Variants in POU2AF1 observed in about 807,000 individuals in gnomAD.
POU2AF1 encodes the protein POU class 2 homeobox associating factor 1.
In POU2AF1, 12 loss-of-function variants were observed where a neutral mutation model predicts 26.3. The observed-to-expected ratio is 0.46, with a 90% CI of 0.29 to 0.74. The LOEUF is 0.74. POU2AF1 is among the 30% of genes least tolerant of loss of function. The pLI is 0.09. For synonymous variants in POU2AF1, 175 were observed against 148.0 expected, an observed-to-expected ratio of 1.18 and a Z score of -1.32; for missense variants, 297 against 334.5, an observed-to-expected ratio of 0.89 and a Z score of 0.87.
At chr11:111,369,672 AAG>A (rs1380199526) in intron 1 of POU2AF1, among the ~76,000 whole-genome samples, 1 of 152,190 alleles carries the variant, frequency 6.6e-6, no homozygotes, top group African/African-American at 2.4e-5. Context: ...GGCATCAGGA[AAG>A]AGAAAGGGCC....
chr11:111,358,623 C>T (rs1767537345), intron 2 of POU2AF1, among the ~76,000 whole-genome samples, 165 bp downstream of exon 2: 2 of 104,136 alleles, frequency 1.9e-5, no homozygotes, highest in Admixed American at 2.3e-4. Context: ...GACGCAGATA[C>T]ACATTCTCTC....
intron 1 of POU2AF1, 139 bp downstream of exon 1, chr11:111,379,022 CT>C: frequency 1.8e-6 from 1 of 552,058 alleles, no homozygotes. Context: ...CCCCTCCCTG[CT>C]CCGGGGCTTG....
At chr11:111,368,624 C>T (rs12419613) in intron 1 of POU2AF1, among the ~76,000 whole-genome samples, 81,066 of 152,094 alleles carry the variant, frequency 0.53, 22,144 homozygotes, top group Admixed American at 0.63. Context: ...CCCTCTTCAA[C>T]TGGGAGAGGA....
At chr11:111,365,258 A>C (rs1318287607) in intron 1 of POU2AF1, among the ~76,000 whole-genome samples, 2 of 152,210 alleles carry the variant, frequency 1.3e-5, no homozygotes, top group Admixed American at 6.5e-5. Flanking sequence ...CTTTGCTAAC[A>C]AATGGCCCTC....
intron 2 of POU2AF1, among the ~76,000 whole-genome samples, chr11:111,358,446 A>ACTCTCACACTCACT (rs1555074404): frequency 9.9e-6 from 1 of 101,022 alleles, no homozygotes; most frequent in South Asian, 2.6e-4. Flanking sequence ...TCACTCTCAC[A>ACTCTCACACTCACT]CACACACACT....
At chr11:111,359,062 C>T in intron 1 of POU2AF1, 144 bp from the exon 2 acceptor site, 2 of 1,366,268 alleles carry the variant, frequency 1.5e-6, no homozygotes, top group Non-Finnish European at 1.9e-6. Flanking sequence ...GAATGCCTCT[C>T]CAGTATTGTC....
chr11:111,358,741 CTCTT>C (rs1414806442), intron 2 of POU2AF1, 43 bp downstream of exon 2: 41 of 1,535,280 alleles, frequency 2.7e-5, no homozygotes, highest in Non-Finnish European at 3.3e-5. Context: ...CACACACATT[CTCTT>C]TCACACACAC....
chr11:111,368,823 G>A (rs1374211102), intron 1 of POU2AF1, among the ~76,000 whole-genome samples: 1 of 152,204 alleles, frequency 6.6e-6, no homozygotes, highest in African/African-American at 2.4e-5. Flanking sequence ...ATCTCAAAGG[G>A]TAATCATGAG....
At chr11:111,365,280 G>C (rs1861083763) in intron 1 of POU2AF1, among the ~76,000 whole-genome samples, 1 of 152,218 alleles carries the variant, frequency 6.6e-6, no homozygotes, top group African/African-American at 2.4e-5. Flanking sequence ...TGATGCAAGG[G>C]ATTCCTTTAT....
At chr11:111,369,675 A>T (rs192201693) in intron 1 of POU2AF1, among the ~76,000 whole-genome samples, 37 of 152,322 alleles carry the variant, frequency 2.4e-4, no homozygotes, top group Admixed American at 2.0e-3. Flanking sequence ...ATCAGGAAAG[A>T]GAAAGGGCCT....
intron 1 of POU2AF1, among the ~76,000 whole-genome samples, chr11:111,375,963 C>T (rs1440865878): frequency 6.6e-6 from 1 of 152,182 alleles, no homozygotes. Flanking sequence ...GTTTGCAGAC[C>T]ACTATTTTAG....
intron 1 of POU2AF1, among the ~76,000 whole-genome samples, chr11:111,375,952 A>G (rs1255570098): frequency 1.3e-5 from 2 of 152,252 alleles, no homozygotes; most frequent in African/African-American, 4.8e-5. Context: ...CAGAGGCCAT[A>G]GTTTGCAGAC....
intron 1 of POU2AF1, chr11:111,363,735 C>T (rs1263000155): frequency 5.1e-6 from 4 of 791,402 alleles, no homozygotes; most frequent in Non-Finnish European, 6.1e-6. Context: ...AAGATAGAAG[C>T]CCAATTTCCC....
At chr11:111,373,585 T>C (rs1010932942) in intron 1 of POU2AF1, among the ~76,000 whole-genome samples, 2 of 152,240 alleles carry the variant, frequency 1.3e-5, no homozygotes, top group Non-Finnish European at 2.9e-5. Context: ...CAATTAGAGC[T>C]GGCAAAGAAC....
chr11:111,378,102 GAC>G (rs1442028218), intron 1 of POU2AF1, among the ~76,000 whole-genome samples: 1 of 152,168 alleles, frequency 6.6e-6, no homozygotes, highest in Non-Finnish European at 1.5e-5. Context: ...AATTGGTGAT[GAC>G]AGTGTCACAT....
intron 1 of POU2AF1, among the ~76,000 whole-genome samples, chr11:111,368,203 G>A (rs924361229): frequency 1.3e-5 from 2 of 152,188 alleles, no homozygotes; most frequent in Non-Finnish European, 2.9e-5. Flanking sequence ...ACCTACACCT[G>A]GTTTAGTAAG....
In POU2AF1 at chr11:111,358,899, G is replaced by T; in HGVS notation, c.36C>A (p.Ala12=). ...CCTGGTATGGCCGGGCCGGGGCTGG[G>T]GCTTGCTCCGGAGCTGTGGCTGTGA... is the stretch of plus-strand genomic sequence containing the variant. ...LWQKPTAPEQ[A]PAPARPYQGV... The change falls in exon 2 of 5, where the codon GCC becomes GCA. Residue 12 remains alanine (A), a synonymous_variant. Transcript: ENST00000393067. 6.2e-7 allele frequency: 1 copy of T among 1,605,944 alleles called. No homozygotes were observed. Among genetic ancestry groups the T allele is most frequent in the Non-Finnish European group, 8.5e-7 (1 of 1,179,668 alleles).
At chr11:111,365,857 C>CAA (rs35060957) in intron 1 of POU2AF1, among the ~76,000 whole-genome samples, 2 of 137,086 alleles carry the variant, frequency 1.5e-5, no homozygotes, top group Non-Finnish European at 3.1e-5. Context: ...AACTCCATCT[C>CAA]AAAAAAAAAA....
chr11:111,372,238 T>G (rs1591204747), intron 1 of POU2AF1, among the ~76,000 whole-genome samples: 1 of 152,120 alleles, frequency 6.6e-6, no homozygotes, highest in Admixed American at 6.5e-5. Context: ...GCTGGGTTAT[T>G]TGGGGGCAAA....
Sources: gnomAD v4.1 joint callset for allele counts (sites outside exome capture counted in the v4.1 genomes callset) on GRCh38, gnomAD v4.1.1 for gene constraint, MANE v1.5 for transcripts, NCBI Gene and HGNC (gene_info 2026-07-23, HGNC 2026-07-21) for gene names.